Variants in FHIT observed in about 807,000 individuals in gnomAD.
FHIT encodes the protein bis(5'-adenosyl)-triphosphatase.
In FHIT, 19 loss-of-function variants were observed where a neutral mutation model predicts 17.9. The ratio of observed to expected loss-of-function variants is 1.06; its 90% confidence interval spans 0.74 to 1.56. FHIT has a LOEUF of 1.56. Among genes scored for constraint, FHIT ranks in the 40% most tolerant of loss-of-function variants. The pLI is 0.00. For synonymous variants in FHIT, 81 were observed against 69.7 expected, an observed-to-expected ratio of 1.16 and a Z score of -0.81; for missense variants, 248 against 189.2, an observed-to-expected ratio of 1.31 and a Z score of -1.82.
At chr3:60,928,821 T>C (rs763153694) in intron 3 of FHIT, among the ~76,000 whole-genome samples, 2 of 152,172 alleles carry the variant, frequency 1.3e-5, no homozygotes, top group Non-Finnish European at 2.9e-5. Context: ...TCTGAAACTA[T>C]TCCAATCAAT....
intron 3 of FHIT, among the ~76,000 whole-genome samples, chr3:61,010,172 A>G (rs1483549864): frequency 2.6e-5 from 4 of 152,234 alleles, no homozygotes; most frequent in Admixed American, 2.6e-4. Flanking sequence ...AATATACTTG[A>G]TGACAAAGCA....
intron 5 of FHIT, among the ~76,000 whole-genome samples, chr3:60,027,101 A>T (rs1472004100): frequency 8.4e-6 from 1 of 118,728 alleles, no homozygotes; most frequent in African/African-American, 3.6e-5. Context: ...AGACTGTTTC[A>T]CACACAGACA....
intron 7 of FHIT, among the ~76,000 whole-genome samples, chr3:59,997,994 G>C (rs1443235822): frequency 1.3e-5 from 2 of 152,094 alleles, no homozygotes; most frequent in African/African-American, 4.8e-5. Flanking sequence ...GGTATCAAGG[G>C]ATAATTAGGA....
intron 2 of FHIT, among the ~76,000 whole-genome samples, chr3:61,089,702 A>G (rs1307258383): frequency 6.6e-6 from 1 of 152,208 alleles, no homozygotes; most frequent in Non-Finnish European, 1.5e-5. Flanking sequence ...AGCAGTTGTC[A>G]TTTCAAAGAC....
chr3:60,430,020 C>T (rs76416516), intron 5 of FHIT, among the ~76,000 whole-genome samples: 308 of 151,994 alleles, frequency 2.0e-3, no homozygotes, highest in African/African-American at 7.0e-3. Context: ...TCTGCTTGTA[C>T]CTCTGGGAGA....
At chr3:60,481,297 A>T (rs1468952610) in intron 5 of FHIT, among the ~76,000 whole-genome samples, 1 of 152,212 alleles carries the variant, frequency 6.6e-6, no homozygotes, top group Admixed American at 6.5e-5. Flanking sequence ...AAGACAGACC[A>T]ACATGCAAAT....
intron 4 of FHIT, among the ~76,000 whole-genome samples, chr3:60,737,748 C>CA (rs1309688266): frequency 6.6e-6 from 1 of 151,530 alleles, no homozygotes; most frequent in Non-Finnish European, 1.5e-5. Context: ...AGTGAGCTGG[C>CA]AAAAAAACAA....
intron 2 of FHIT, among the ~76,000 whole-genome samples, chr3:61,104,580 G>T (rs1181625292): frequency 6.6e-6 from 1 of 152,050 alleles, no homozygotes; most frequent in Non-Finnish European, 1.5e-5. Flanking sequence ...TCTTACTGGG[G>T]TTCTCTGTAT....
chr3:60,704,079 C>T (rs62251538), intron 4 of FHIT, among the ~76,000 whole-genome samples: 9,290 of 152,070 alleles, frequency 0.061, 447 homozygotes, highest in African/African-American at 0.13. Context: ...TCCTCCCACA[C>T]GACTACATAT....
intron 7 of FHIT, among the ~76,000 whole-genome samples, chr3:59,986,031 A>T (rs1000463678): frequency 6.6e-6 from 1 of 152,076 alleles, no homozygotes; most frequent in Admixed American, 6.6e-5. Context: ...CTCTGAACCA[A>T]GTATCACTTC....
chr3:60,279,640 G>A (rs745677318), intron 5 of FHIT, among the ~76,000 whole-genome samples: 1 of 151,976 alleles, frequency 6.6e-6, no homozygotes, highest in Non-Finnish European at 1.5e-5. Context: ...AATTAATATC[G>A]CTCGTGAACA....
At chr3:59,753,710 T>A (rs1339299387) in intron 8 of FHIT, among the ~76,000 whole-genome samples, 5 of 152,202 alleles carry the variant, frequency 3.3e-5, no homozygotes, top group African/African-American at 1.2e-4. Flanking sequence ...ATACATTATT[T>A]CGTTTAATCC....
chr3:60,043,677 T>C (rs73089993), intron 5 of FHIT, among the ~76,000 whole-genome samples: 2 of 118,340 alleles, frequency 1.7e-5, no homozygotes, highest in Non-Finnish European at 1.8e-5. Flanking sequence ...GATAGACAGA[T>C]AGATAGATAG....
chr3:60,078,861 G>A lies in FHIT; in HGVS notation c.104-64709C>T, dbSNP rs1461635881. On this transcript the variant is annotated intron_variant, in intron 5 of 9. Coordinates refer to ENST00000492590, the MANE Select transcript of FHIT (RefSeq NM_002012.4). ...GTAAAGTATTAATATCTGGGGATCTGAGGGAGGAGGGTAGAGGGATTCTTT... is the reference window on the plus strand; with the variant it reads ...GTAAAGTATTAATATCTGGGGATCTAAGGGAGGAGGGTAGAGGGATTCTTT... Among the ~76,000 whole-genome samples the A allele has an allele frequency of 3.3e-5, 5 of 151,840 alleles. No homozygotes were observed. In the East Asian group the frequency reaches 9.7e-4, roughly 29 times the overall value.
At position 61,164,607 on chromosome 3, in the gene FHIT, C is replaced by G. The variant is rs549903288; in HGVS notation, c.-164+36010G>C. Among the ~76,000 whole-genome samples the G allele has an allele frequency of 2.0e-5, 3 of 149,710 alleles. No homozygotes were observed. The Admixed American group carries it at 2.0e-4, about 10-fold the overall frequency. ...AAAATGGGGATAATAACAACAAAAACTATCCCACAGAAATGTGGTAAGAAT... is the reference window on the plus strand; with the variant it reads ...AAAATGGGGATAATAACAACAAAAAGTATCCCACAGAAATGTGGTAAGAAT... On this transcript the variant is annotated intron_variant, in intron 2 of 9. Coordinates refer to ENST00000492590, the MANE Select transcript of FHIT (RefSeq NM_002012.4).
intron 4 of FHIT, among the ~76,000 whole-genome samples, chr3:60,666,319 G>T (rs1043113667): frequency 6.6e-6 from 1 of 152,064 alleles, no homozygotes; most frequent in Admixed American, 6.5e-5. Context: ...CTTCATCTGA[G>T]AATGTTTTTA....
chr3:60,751,731 T>C (rs1553716884), intron 4 of FHIT, among the ~76,000 whole-genome samples: 1 of 130,804 alleles, frequency 7.6e-6, no homozygotes, highest in Non-Finnish European at 1.6e-5. Flanking sequence ...AAATCTTTAA[T>C]GGTAGTATTT....
intron 5 of FHIT, among the ~76,000 whole-genome samples, chr3:60,121,715 C>CAAAACAAAAAA (rs763248825): frequency 9.6e-6 from 1 of 103,934 alleles, no homozygotes; most frequent in Non-Finnish European, 1.9e-5. Context: ...AACAAACACA[C>CAAAACAAAAAA]ACACACACAC....
intron 3 of FHIT, among the ~76,000 whole-genome samples, chr3:60,997,652 G>T (rs1361316762): frequency 3.3e-5 from 5 of 152,044 alleles, no homozygotes; most frequent in Non-Finnish European, 7.3e-5. Flanking sequence ...TTACATTACT[G>T]ACCTGCAAGA....
Sources: allele counts gnomAD v4.1 joint callset (sites outside exome capture counted in the v4.1 genomes callset), GRCh38; gene constraint gnomAD v4.1.1; transcripts MANE v1.5; gene names NCBI Gene and HGNC (gene_info 2026-07-23, HGNC 2026-07-21).